Variants in MPPED2 observed in about 807,000 individuals in gnomAD.
The protein encoded by MPPED2 is metallophosphoesterase MPPED2.
In MPPED2, 5 loss-of-function variants were observed where a neutral mutation model predicts 33.0. That is an observed-to-expected ratio of 0.15 (90% CI 0.08 to 0.32). The LOEUF (loss-of-function observed/expected upper bound fraction) is 0.32, where lower values mean the gene tolerates loss of function less well. Among genes scored for constraint, MPPED2 ranks in the 10% least tolerant of loss-of-function variants. The pLI, the probability that MPPED2 is intolerant of heterozygous loss-of-function variation, is 1.00. For synonymous variants in MPPED2, 136 were observed against 141.9 expected, an observed-to-expected ratio of 0.96 and a Z score of 0.29; for missense variants, 275 against 372.1, an observed-to-expected ratio of 0.74 and a Z score of 2.15.
At chr11:30,447,548 A>G (rs1257300248) in intron 4 of MPPED2, among the ~76,000 whole-genome samples, 1 of 152,156 alleles carries the variant, frequency 6.6e-6, no homozygotes, top group Non-Finnish European at 1.5e-5. Context: ...TGTGTGGGTG[A>G]TAAAGTGTGG....
At chr11:30,504,879 G>T in intron 3 of MPPED2, 1 of 1,109,002 alleles carries the variant, frequency 9.0e-7, no homozygotes, top group Non-Finnish European at 1.2e-6. Context: ...TAATGTCAGG[G>T]CTGAGCCAGA....
intron 6 of MPPED2, among the ~76,000 whole-genome samples, chr11:30,395,865 A>G (rs1947834186): frequency 1.3e-5 from 2 of 152,180 alleles, no homozygotes; most frequent in African/African-American, 4.8e-5. Flanking sequence ...GGAGGTATTA[A>G]TATCACTCTC....
Position 30,517,747 on chromosome 11 carries a change from C to G in MPPED2, c.310+18247G>C, listed in dbSNP as rs181733682. 4.2e-4 allele frequency among the ~76,000 whole-genome samples: 64 copies of G among 152,230 alleles called. No individual in the cohort carries two copies. The East Asian group carries it at 0.01, about 24-fold the overall frequency. On this transcript the variant is annotated intron_variant, in intron 3 of 6. Transcript: ENST00000358117. ...CTCTGGCCCTGATGAAAAGAACTACCAAAGGACGAAGAAAGAACTGCCATG... is the reference window on the plus strand; with the variant it reads ...CTCTGGCCCTGATGAAAAGAACTACGAAAGGACGAAGAAAGAACTGCCATG...
At chr11:30,522,991 G>A (rs1953958634) in intron 3 of MPPED2, among the ~76,000 whole-genome samples, 2 of 152,168 alleles carry the variant, frequency 1.3e-5, no homozygotes, top group South Asian at 4.1e-4. Flanking sequence ...AGTGATTACA[G>A]CAGTTACAAG....
chr11:30,527,242 T>C (rs1954247251), intron 3 of MPPED2, among the ~76,000 whole-genome samples: 1 of 152,134 alleles, frequency 6.6e-6, no homozygotes, highest in Non-Finnish European at 1.5e-5. Flanking sequence ...TATTTTCTAT[T>C]TAAAATGGCA....
chr11:30,541,662 A>G (rs1955125778), intron 2 of MPPED2, among the ~76,000 whole-genome samples: 2 of 151,844 alleles, frequency 1.3e-5, no homozygotes, highest in Admixed American at 1.3e-4. Context: ...GCATAATCTC[A>G]CCTCACTGCA....
chr11:30,551,375 G>A (rs1259798817), intron 2 of MPPED2, among the ~76,000 whole-genome samples: 1 of 152,084 alleles, frequency 6.6e-6, no homozygotes, highest in African/African-American at 2.4e-5. Context: ...AAATCATGAG[G>A]CCTCTGTTAT....
chr11:30,431,001 C>T (rs1255212059), intron 4 of MPPED2, among the ~76,000 whole-genome samples: 2 of 152,154 alleles, frequency 1.3e-5, no homozygotes, highest in Admixed American at 1.3e-4. Flanking sequence ...GCCAGGTAAA[C>T]AGACAATTGT....
downstream of MPPED2, among the ~76,000 whole-genome samples, chr11:30,405,295 A>G (rs535096325): frequency 6.6e-6 from 1 of 152,318 alleles, no homozygotes; most frequent in East Asian, 1.9e-4. Context: ...GGGCTATGAA[A>G]TCACAGGCCC....
chr11:30,425,090 G>A (rs530123549), intron 4 of MPPED2, among the ~76,000 whole-genome samples: 29 of 152,240 alleles, frequency 1.9e-4, no homozygotes, highest in African/African-American at 6.7e-4. Context: ...ATATTGTTTT[G>A]ATAAAGGGCA....
chr11:30,410,373 G>T lies in MPPED2; in HGVS notation c.*1095C>A. 1 of 985,796 alleles carries T rather than the reference G, an allele frequency of 1.0e-6. No homozygotes were observed. The highest frequency in any genetic ancestry group is 1.2e-6 in the Non-Finnish European group (1 of 829,878). 61.1% of individuals were successfully genotyped at this position (985,796 alleles called of 1,614,324 possible). On this transcript the variant is annotated 3_prime_UTR_variant, in exon 7 of 7. Transcript: ENST00000358117. ...CAACAGCATTTACAATGGGAAAACA[G>T]AAATGACTATTAGCGACAATATTTT...
intron 2 of MPPED2, among the ~76,000 whole-genome samples, chr11:30,554,663 T>A (rs1420385215): frequency 6.6e-6 from 1 of 151,984 alleles, no homozygotes; most frequent in Non-Finnish European, 1.5e-5. Context: ...CCCAGCTAAT[T>A]TTTGCATTTT....
chr11:30,570,103 T>A (rs1369415568), intron 2 of MPPED2, among the ~76,000 whole-genome samples: 1 of 152,156 alleles, frequency 6.6e-6, no homozygotes, highest in Admixed American at 6.5e-5. Flanking sequence ...TGAGATGCTA[T>A]TAACAAAATA....
At chr11:30,575,035 G>T (rs1956866225) in intron 2 of MPPED2, among the ~76,000 whole-genome samples, 1 of 152,056 alleles carries the variant, frequency 6.6e-6, no homozygotes, top group Non-Finnish European at 1.5e-5. Context: ...ATCTAATACA[G>T]AACTAAAACA....
At chr11:30,393,270 G>A (rs1388183879) in intron 6 of MPPED2, among the ~76,000 whole-genome samples, 1 of 151,646 alleles carries the variant, frequency 6.6e-6, no homozygotes, top group African/African-American at 2.4e-5. Flanking sequence ...ACTACATCCT[G>A]GATACAGTCT....
At chr11:30,486,361 C>T (rs1374459704) in intron 4 of MPPED2, among the ~76,000 whole-genome samples, 1 of 152,140 alleles carries the variant, frequency 6.6e-6, no homozygotes, top group East Asian at 1.9e-4. Flanking sequence ...ATAACTGGTA[C>T]AGAATCTACA....
chr11:30,509,927 A>C (rs935241746), intron 3 of MPPED2, among the ~76,000 whole-genome samples: 1 of 152,188 alleles, frequency 6.6e-6, no homozygotes, highest in Non-Finnish European at 1.5e-5. Flanking sequence ...ACCATATCAC[A>C]TAATCACCGG....
intron 4 of MPPED2, among the ~76,000 whole-genome samples, chr11:30,447,793 C>T (rs891824580): frequency 6.6e-6 from 1 of 152,084 alleles, no homozygotes; most frequent in Non-Finnish European, 1.5e-5. Flanking sequence ...TTCAATCAAC[C>T]GGTATTTCCT....
At chr11:30,492,341 T>C (rs1283600942) in intron 4 of MPPED2, among the ~76,000 whole-genome samples, 1 of 152,234 alleles carries the variant, frequency 6.6e-6, no homozygotes, top group Non-Finnish European at 1.5e-5. Flanking sequence ...GGAGGAAGTT[T>C]GTTGCTGTCA....
Sources: gnomAD v4.1 joint callset for allele counts (sites outside exome capture counted in the v4.1 genomes callset) on GRCh38, gnomAD v4.1.1 for gene constraint, MANE v1.5 for transcripts, NCBI Gene and HGNC (gene_info 2026-07-23, HGNC 2026-07-21) for gene names.